CTDSP2: variants seen among roughly 807,000 people sequenced by gnomAD.
CTDSP2 encodes the protein CTD small phosphatase 2, also known as carboxy-terminal domain RNA polymerase II polypeptide A small phosphatase 2.
Under a neutral mutation model 31.6 loss-of-function variants are expected in CTDSP2, and 9 were observed. The ratio of observed to expected loss-of-function variants is 0.28; its 90% CI spans 0.17 to 0.50. The LOEUF is 0.50. Among genes scored for constraint, CTDSP2 ranks in the 20% least tolerant of loss-of-function variants. The pLI is 0.98. For synonymous variants in CTDSP2, 134 were observed against 134.5 expected (o/e 1.00, Z 0.03); for missense variants, 267 against 348.5 (o/e 0.77, Z 1.86).
chr12:57,830,573 C>G (rs1956209801), intron 1 of CTDSP2, among the ~76,000 whole-genome samples: 1 of 152,046 alleles, frequency 6.6e-6, no homozygotes, highest in South Asian at 2.1e-4. Context: ...CTTTAAGGCC[C>G]CCTCCCCTCA....
At chr12:57,827,156 G>T in intron 3 of CTDSP2, 59 bp from the exon 4 acceptor site, 1 of 1,251,298 alleles carries the variant, frequency 8.0e-7, no homozygotes, top group South Asian at 1.2e-5. Flanking sequence ...TGTACCCCTT[G>T]GCATAATTAT....
chr12:57,828,682 A>C (rs930055003), intron 2 of CTDSP2, among the ~76,000 whole-genome samples: 4 of 152,182 alleles, frequency 2.6e-5, no homozygotes, highest in Non-Finnish European at 5.9e-5. Flanking sequence ...ATTTTATTTA[A>C]CCATTTCCCC....
At chr12:57,833,110 G>T (rs985940589) in intron 1 of CTDSP2, among the ~76,000 whole-genome samples, 19 of 152,246 alleles carry the variant, frequency 1.2e-4, no homozygotes, top group African/African-American at 4.6e-4. Flanking sequence ...TTTTCCTGAA[G>T]AGAGGCCGTC....
At chr12:57,846,214 T>C (rs1361641074) in intron 1 of CTDSP2, among the ~76,000 whole-genome samples, 158 bp downstream of exon 1, 1 of 152,062 alleles carries the variant, frequency 6.6e-6, no homozygotes, top group African/African-American at 2.4e-5. Flanking sequence ...GAGGTCTGAG[T>C]GCCAGCCGGG....
rs376634888 is a variant in CTDSP2, at chr12:57,829,647, G to A, written c.65-51C>T. On this transcript the variant is annotated intron_variant, in intron 1 of 7. Transcript: ENST00000398073. ...TTTAGCTCTAGGGACATCAGTTTCT[G>A]TCCACAGATACTACCATGCCCATAG... The A allele has an allele frequency of 2.1e-5, 33 of 1,541,300 alleles. No individual in the cohort carries two copies. In the African/African-American group the frequency reaches 2.9e-4, roughly 13 times the overall value.
In CTDSP2 at chr12:57,846,519, G is replaced by C; in HGVS notation, c.-84C>G. The C allele has an allele frequency of 9.2e-7, 1 of 1,091,150 alleles. No homozygotes were observed. The highest frequency in any genetic ancestry group is 1.2e-6 in the Non-Finnish European group (1 of 801,394). The allele number at this position is 1,091,150 out of a possible 1,614,324, so 67.6% of individuals were successfully genotyped here. A position where few individuals can be genotyped will look rare whatever the true frequency, so the allele number is the denominator to read the frequency against. ...GGCTGGGCTGGGGGGCCTGGGCGGG[G>C]GCCCGCTCCGGCTCCCGAGACTCCG... On this transcript the variant is annotated 5_prime_UTR_variant, in exon 1 of 8. Transcript: ENST00000398073.
Position 57,844,180 on chromosome 12 carries a change from G to A in CTDSP2, c.64+2192C>T, listed in dbSNP as rs142644170. Among the ~76,000 whole-genome samples the A allele has an allele frequency of 8.5e-3, 1,285 of 151,822 alleles. 12 individuals carry two copies. Among genetic ancestry groups the A allele is most frequent in the African/African-American group, 0.026 (1,096 of 41,372 alleles). On this transcript the variant is annotated intron_variant, in intron 1 of 7. Coordinates refer to ENST00000398073, the MANE Select transcript of CTDSP2 (RefSeq NM_005730.4). ...ACTGCACTCTAGCCTGGGCAACAGA[G>A]TAAGACTCCATCTCAATTAAAATAA...
At chr12:57,826,314 CTG>C in intron 5 of CTDSP2, 30 bp downstream of exon 5, 4 of 1,608,846 alleles carry the variant, frequency 2.5e-6, no homozygotes, top group Non-Finnish European at 3.4e-6. Flanking sequence ...CCCCCACCCT[CTG>C]GGCTGGGTGT....
At chr12:57,843,641 C>T (rs1956295812) in intron 1 of CTDSP2, among the ~76,000 whole-genome samples, 1 of 152,190 alleles carries the variant, frequency 6.6e-6, no homozygotes, top group Admixed American at 6.5e-5. Flanking sequence ...GTACCTCACA[C>T]TCCTTCTTCC....
chr12:57,826,907 C>T, intron 4 of CTDSP2, 89 bp downstream of exon 4: 1 of 1,036,952 alleles, frequency 9.6e-7, no homozygotes, highest in South Asian at 1.4e-5. Context: ...ACTCTTCTTT[C>T]CTCACCTTTA....
At chr12:57,836,877 G>A (rs1391934393) in intron 1 of CTDSP2, among the ~76,000 whole-genome samples, 1 of 152,158 alleles carries the variant, frequency 6.6e-6, no homozygotes, top group African/African-American at 2.4e-5. Flanking sequence ...GCCCATTCAG[G>A]TAGAAAGTTG....
intron 2 of CTDSP2, 71 bp from the exon 3 acceptor site, chr12:57,827,661 G>A (rs972443237): frequency 4.7e-6 from 7 of 1,492,998 alleles, no homozygotes; most frequent in Non-Finnish European, 6.5e-6. Flanking sequence ...CACTGCTTCT[G>A]TCTTAAGCCT....
intron 1 of CTDSP2, among the ~76,000 whole-genome samples, chr12:57,830,124 G>A (rs549519249): frequency 2.4e-4 from 37 of 152,282 alleles, no homozygotes; most frequent in African/African-American, 7.9e-4. Context: ...AGTGGCTCAC[G>A]CCTGTAATTC....
Position 57,827,105 on chromosome 12 carries a change from C to G in CTDSP2, c.253-8G>C, listed in dbSNP as rs201414366. 6.2e-7 allele frequency: 1 copy of G among 1,605,742 alleles called. No individual in the cohort carries two copies. Among genetic ancestry groups the G allele is most frequent in the Non-Finnish European group, 8.5e-7 (1 of 1,173,568 alleles). Reference sequence around the variant, plus strand: ...CAGGCAGGTCCCTGGGATCTAAAACCAAGCCAGGTTGCTGAGATCTGCCTA... The same window carrying G: ...CAGGCAGGTCCCTGGGATCTAAAACGAAGCCAGGTTGCTGAGATCTGCCTA... On this transcript the variant is annotated splice_region_variant and splice_polypyrimidine_tract_variant and intron_variant, in intron 3 of 7. Transcript: ENST00000398073.
chr12:57,825,583 G>A (rs113514774), intron 5 of CTDSP2, among the ~76,000 whole-genome samples: 2,967 of 152,322 alleles, frequency 0.019, 49 homozygotes, highest in Non-Finnish European at 0.029. Context: ...AGTCCTGACC[G>A]GGGCCTGGCG....
intron 2 of CTDSP2, 80 bp from the exon 3 acceptor site, chr12:57,827,670 C>CT (rs1262905507): frequency 1.4e-6 from 2 of 1,434,484 alleles, no homozygotes; most frequent in East Asian, 4.8e-5. Flanking sequence ...TGTCTTAAGC[C>CT]TGGAGGGCAA....
chr12:57,841,205 C>T (rs971897767), intron 1 of CTDSP2, among the ~76,000 whole-genome samples: 4 of 152,188 alleles, frequency 2.6e-5, no homozygotes, highest in African/African-American at 7.2e-5. Context: ...TTCCATGCTT[C>T]CCAGAGCTGG....
At position 57,829,582 on chromosome 12, in the gene CTDSP2, A is replaced by G; in HGVS notation, c.79T>C (p.Ser27Pro). Reference sequence around the variant, plus strand: ...CGTCCACGAGGCTTCTTAGGAGAGGACTTGGAGACCAGGCCTAGGGTGGAG... The same window carrying G: ...CGTCCACGAGGCTTCTTAGGAGAGGGCTTGGAGACCAGGCCTAGGGTGGAG... ...VLTKQGLVSK[S>P]SPKKPRGRNI... The change falls in exon 2 of 8, where the codon TCC becomes CCC. Residue 27 changes from serine to proline, a missense_variant. Physicochemically the swap from Ser to Pro is moderately conservative, Grantham distance 74. This residue lies in a region of CTDSP2 where 111 missense variants were observed against 107.1 expected (regional missense o/e 1.04). Transcript: ENST00000398073. 6.2e-7 allele frequency: 1 copy of G among 1,614,114 alleles called. No individual in the cohort carries two copies.
intron 1 of CTDSP2, among the ~76,000 whole-genome samples, chr12:57,835,397 T>C (rs1241332551): frequency 6.6e-6 from 1 of 151,604 alleles, no homozygotes; most frequent in African/African-American, 2.4e-5. Flanking sequence ...GCTCAAGCAA[T>C]CCTCCTGCCT....
Sources: allele counts gnomAD v4.1 joint callset (sites outside exome capture counted in the v4.1 genomes callset), GRCh38; gene constraint gnomAD v4.1.1; regional missense constraint gnomAD v4.1.1; transcripts MANE v1.5; gene names NCBI Gene and HGNC (gene_info 2026-07-23, HGNC 2026-07-21).